EDAR: variants seen among roughly 807,000 people sequenced by gnomAD.
The protein encoded by EDAR is tumor necrosis factor receptor superfamily member EDAR.
Under a neutral mutation model 51.3 loss-of-function variants are expected in EDAR, and 38 were observed. The ratio of observed to expected loss-of-function variants is 0.74; its 90% CI spans 0.57 to 0.97. EDAR has a LOEUF of 0.97. Ranked by LOEUF, EDAR falls within the 50% of genes least tolerant of loss-of-function variation. EDAR has a pLI of 0.00. For synonymous variants in EDAR, 227 were observed against 242.1 expected (o/e 0.94, Z 0.58); for missense variants, 528 against 595.0 (o/e 0.89, Z 1.17).
intron 1 of EDAR, among the ~76,000 whole-genome samples, chr2:108,982,499 C>T (rs1698436416): frequency 6.6e-6 from 1 of 152,234 alleles, no homozygotes; most frequent in African/African-American, 2.4e-5. Context: ...AGGAGCTCAA[C>T]ATTCTGTTGT....
intron 11 of EDAR, among the ~76,000 whole-genome samples, chr2:108,904,902 C>CA (rs796874591): frequency 3.9e-5 from 6 of 152,290 alleles, no homozygotes; most frequent in African/African-American, 1.4e-4. Flanking sequence ...GTGTCAATAT[C>CA]AGTGTCCTGG....
rs569288463 is a variant in EDAR, at chr2:108,923,261, G to T, written c.442+107C>A. 11 of 1,097,180 alleles carry T rather than the reference G, an allele frequency of 1.0e-5. No homozygotes were observed. The African/African-American group carries it at 1.4e-4, about 14-fold the overall frequency. 68.0% of individuals were successfully genotyped at this position (1,097,180 alleles called of 1,614,324 possible). ...GCACTTTCACTAGTGCTGTTACTGT[G>T]ATTCACCTTGTCCAGGTGCCAGGAC... On this transcript the variant is annotated intron_variant, in intron 5 of 11. Coordinates refer to ENST00000258443, the MANE Select transcript of EDAR (RefSeq NM_022336.4).
intron 5 of EDAR, among the ~76,000 whole-genome samples, chr2:108,920,177 G>C (rs1225397051): frequency 3.3e-5 from 5 of 152,228 alleles, no homozygotes; most frequent in Non-Finnish European, 5.9e-5. Flanking sequence ...TGCTGGGCTG[G>C]GATGCTTCAT....
At chr2:108,980,734 G>T (rs1322775803) in intron 1 of EDAR, among the ~76,000 whole-genome samples, 4 of 152,056 alleles carry the variant, frequency 2.6e-5, no homozygotes, top group Admixed American at 2.6e-4. Context: ...GCGCGTTTTG[G>T]GCAGAGGGAA....
At chr2:108,904,480 C>G (rs1217742297) in intron 11 of EDAR, among the ~76,000 whole-genome samples, 2 of 152,220 alleles carry the variant, frequency 1.3e-5, no homozygotes, top group Non-Finnish European at 2.9e-5. Context: ...CCAGATAAAT[C>G]ACGACTGATG....
chr2:108,940,582 C>A (rs1344127442), intron 1 of EDAR, among the ~76,000 whole-genome samples: 1 of 152,250 alleles, frequency 6.6e-6, no homozygotes, highest in Non-Finnish European at 1.5e-5. Context: ...AGGCTCTCTG[C>A]TCCTCCTCTG....
At chr2:108,933,561 G>C (rs1341280140) in intron 1 of EDAR, among the ~76,000 whole-genome samples, 1 of 152,166 alleles carries the variant, frequency 6.6e-6, no homozygotes, top group Non-Finnish European at 1.5e-5. Flanking sequence ...GTGGCTTTGG[G>C]GAAGGAAGAG....
intron 1 of EDAR, among the ~76,000 whole-genome samples, chr2:108,964,280 C>T (rs997170569): frequency 6.6e-6 from 1 of 152,094 alleles, no homozygotes; most frequent in African/African-American, 2.4e-5. Context: ...TTTCTGAGGT[C>T]CACCGGTGAC....
chr2:108,941,918 C>T (rs1574394848), intron 1 of EDAR, among the ~76,000 whole-genome samples: 1 of 152,356 alleles, frequency 6.6e-6, no homozygotes, highest in Middle Eastern at 3.4e-3. Context: ...TATCAGGTCA[C>T]AGCTGACAAA....
intron 11 of EDAR, among the ~76,000 whole-genome samples, chr2:108,897,433 A>G (rs1246880085): frequency 2.6e-5 from 4 of 152,190 alleles, no homozygotes; most frequent in Admixed American, 1.3e-4. Context: ...AGGGCTGTGC[A>G]TGTACCCTGA....
intron 1 of EDAR, among the ~76,000 whole-genome samples, chr2:108,963,501 C>T (rs1054589908): frequency 1.3e-5 from 2 of 152,124 alleles, no homozygotes; most frequent in Non-Finnish European, 2.9e-5. Context: ...CCCATGTCCC[C>T]GTTACCCAAT....
At chr2:108,974,953 G>A (rs11676729) in intron 1 of EDAR, among the ~76,000 whole-genome samples, 12,660 of 152,174 alleles carry the variant, frequency 0.083, 1,376 homozygotes, top group African/African-American at 0.25. Flanking sequence ...TCAGGAGTCA[G>A]AAGGAAGAGC....
intron 1 of EDAR, among the ~76,000 whole-genome samples, chr2:108,974,801 C>T (rs1377170924): frequency 2.0e-5 from 3 of 152,232 alleles, no homozygotes; most frequent in South Asian, 2.1e-4. Context: ...GTAGAGGGAA[C>T]TTGAAATAGC....
rs1697358902 is a variant in EDAR, at chr2:108,931,110, C to T, written c.-18-78G>A. 6.6e-5 allele frequency: 79 copies of T among 1,197,666 alleles called. 1 individual carries two copies. In the South Asian group the frequency reaches 9.5e-4, roughly 14 times the overall value. The allele number at this position is 1,197,666 out of a possible 1,614,324, so 74.2% of individuals were successfully genotyped here. Reference sequence around the variant, plus strand: ...GTCTGGCTACCTTTATTTAACCCCACTGGATATAAGGTGCCTTCCAGCAAA... The same window carrying T: ...GTCTGGCTACCTTTATTTAACCCCATTGGATATAAGGTGCCTTCCAGCAAA... On this transcript the variant is annotated intron_variant, in intron 1 of 11. Transcript: ENST00000258443.
intron 1 of EDAR, among the ~76,000 whole-genome samples, chr2:108,956,453 T>C (rs1037016899): frequency 6.6e-6 from 1 of 152,222 alleles, no homozygotes; most frequent in Non-Finnish European, 1.5e-5. Context: ...TGTCCTCCAC[T>C]AGCACTGCAC....
At chr2:108,963,352 T>C (rs1187346073) in intron 1 of EDAR, among the ~76,000 whole-genome samples, 6 of 152,182 alleles carry the variant, frequency 3.9e-5, no homozygotes, top group African/African-American at 1.4e-4. Context: ...TCAAAATCTG[T>C]TTCTAGGATG....
chr2:108,982,593 G>A (rs896033492), intron 1 of EDAR, among the ~76,000 whole-genome samples: 1 of 152,272 alleles, frequency 6.6e-6, no homozygotes, highest in Middle Eastern at 3.4e-3. Flanking sequence ...ATTCTCCAGC[G>A]CCATTTCCCT....
intron 1 of EDAR, among the ~76,000 whole-genome samples, chr2:108,943,004 C>T (rs925916169): frequency 2.6e-5 from 4 of 152,196 alleles, no homozygotes; most frequent in Admixed American, 1.3e-4. Context: ...GGCGTTTCAC[C>T]GGGCAGGTGA....
chr2:108,981,416 T>G (rs999916137), intron 1 of EDAR, among the ~76,000 whole-genome samples: 1 of 152,206 alleles, frequency 6.6e-6, no homozygotes, highest in Non-Finnish European at 1.5e-5. Context: ...AGGTCTGGTA[T>G]GACTGCTATT....
Sources: gnomAD v4.1 joint callset for allele counts (sites outside exome capture counted in the v4.1 genomes callset) on GRCh38, gnomAD v4.1.1 for gene constraint, MANE v1.5 for transcripts, NCBI Gene and HGNC (gene_info 2026-07-23, HGNC 2026-07-21) for gene names.